SMG5: variants seen among roughly 807,000 people sequenced by gnomAD.
The protein encoded by SMG5 is SMG5 nonsense mediated mRNA decay factor, also known as nonsense-mediated mRNA decay factor SMG5.
Under a neutral mutation model 122.9 loss-of-function variants are expected in SMG5, and 53 were observed. That is an observed-to-expected ratio of 0.43 (90% confidence interval 0.35 to 0.54). SMG5 has a LOEUF of 0.54. Ranked by LOEUF, SMG5 falls within the 20% of genes least tolerant of loss-of-function variation. SMG5 has a pLI of 0.01. For missense variants in SMG5, 1,153 were observed against 1,285.6 expected (o/e 0.90, Z 1.58); for synonymous variants, 477 against 490.2 (o/e 0.97, Z 0.35).
intron 1 of SMG5, 105 bp downstream of exon 1, chr1:156,282,502 C>T: frequency 7.8e-7 from 1 of 1,287,068 alleles, no homozygotes; most frequent in Non-Finnish European, 1.1e-6. Context: ...CCTTCCTCAC[C>T]CGCACCTCAC....
chr1:156,285,527 C>A (rs772493348), upstream of SMG5: 5 of 1,614,084 alleles, frequency 3.1e-6, no homozygotes, highest in African/African-American at 2.7e-5. Context: ...TGAACCAGAG[C>A]CCCCTGAGTC....
chr1:156,251,181 C>G, intron 20 of SMG5, 185 bp from the exon 21 acceptor site: 3 of 940,944 alleles, frequency 3.2e-6, no homozygotes, highest in South Asian at 3.1e-5. Context: ...AAACACCAAG[C>G]CTGAGCATCG....
In SMG5 at chr1:156,282,624, G is replaced by A; in HGVS notation, c.57C>T (p.His19=). The A allele has an allele frequency of 6.2e-7, 1 of 1,609,086 alleles. No individual in the cohort carries two copies. The highest frequency in any genetic ancestry group is 8.5e-7 in the Non-Finnish European group (1 of 1,179,714). The change falls in exon 1 of 22, where the codon CAC becomes CAT. Residue 19 remains histidine, a synonymous_variant. Coordinates refer to ENST00000361813, the MANE Select transcript of SMG5 (RefSeq NM_015327.3). ...CCTCTCACCGGTAAAGCCGCTTAGTGTGGAGGACTTTTGCTTCGGGCTCGC... is the reference window on the plus strand; with the variant it reads ...CCTCTCACCGGTAAAGCCGCTTAGTATGGAGGACTTTTGCTTCGGGCTCGC... ...ESSEPEAKVL[H]TKRLYRAVVE... is the part of the protein sequence containing the mutation.
chr1:156,278,063 G>A lies in SMG5; in HGVS notation c.174-15C>T, dbSNP rs759979058. 11 of 1,613,366 alleles carry A rather than the reference G, an allele frequency of 6.8e-6. No homozygotes were observed. Among genetic ancestry groups the A allele is most frequent in the Non-Finnish European group, 8.5e-6 (10 of 1,179,650 alleles). On this transcript the variant is annotated splice_polypyrimidine_tract_variant and intron_variant, in intron 2 of 21. Transcript: ENST00000361813. ...GCTCACGCAGCCTGGAGGGTGTAGA[G>A]GAGCATGAGAGAGACAGCCCATCCC...
intron 11 of SMG5, 79 bp from the exon 12 acceptor site, chr1:156,266,459 TCCC>T: frequency 2.5e-6 from 4 of 1,604,982 alleles, no homozygotes; most frequent in Non-Finnish European, 3.4e-6. Context: ...CAACACCACT[TCCC>T]CCGAGTCTGT....
At position 156,279,142 on chromosome 1, in the gene SMG5, A is replaced by G; in HGVS notation, c.75-108T>C. The G allele has an allele frequency of 3.2e-6, 3 of 929,964 alleles. No individual in the cohort carries two copies. In the South Asian group the frequency reaches 4.1e-5, roughly 13 times the overall value. 57.6% of individuals were successfully genotyped at this position (929,964 alleles called of 1,614,324 possible). A position where few individuals can be genotyped will look rare whatever the true frequency, so the allele number is the denominator to read the frequency against. On this transcript the variant is annotated intron_variant, in intron 1 of 21. Coordinates refer to ENST00000361813, the MANE Select transcript of SMG5 (RefSeq NM_015327.3). The stretch of plus-strand genomic sequence containing the variant: ...AAGCTACAGAATTAGCGGTGAGGGA[A>G]AAAGGAGAAGGCTGCAGGCTGAGCT...
In SMG5 at chr1:156,263,568, AGGCTGG is replaced by A; in HGVS notation, c.1856-4_1857del. ...CCCTCCGACTCAGAGCCCTCCTCAG[AGGCTGG>A]GGGGTGGGTGAATGGAAGAGAAAAA... On this transcript the variant is annotated splice_acceptor_variant and splice_polypyrimidine_tract_variant and coding_sequence_variant and intron_variant, in exon 13 of 22. Coordinates refer to ENST00000361813, the MANE Select transcript of SMG5 (RefSeq NM_015327.3). LOFTEE classifies it high-confidence loss of function. The A allele has an allele frequency of 1.9e-6, 3 of 1,612,966 alleles. No homozygotes were observed. The highest frequency in any genetic ancestry group is 2.5e-6 in the Non-Finnish European group (3 of 1,179,212).
At chr1:156,289,071 C>G in the SMG5 span, among the ~76,000 whole-genome samples, 1 of 152,322 alleles carries the variant, frequency 6.6e-6, no homozygotes, top group East Asian at 1.9e-4. Flanking sequence ...GTCCTTTCTT[C>G]TTTACCATGG....
Position 156,277,926 on chromosome 1 carries a change from T to C in SMG5, c.296A>G (p.Lys99Arg). The C allele has an allele frequency of 1.2e-6, 2 of 1,613,630 alleles. No individual in the cohort carries two copies. The highest frequency in any genetic ancestry group is 1.1e-5 in the South Asian group (1 of 91,068). The change falls in exon 3 of 22, where the codon AAG (lysine) becomes AGG (arginine). Residue 99 changes from lysine (K) to arginine (R), a missense_variant and splice_region_variant. By Grantham distance (26) the Lys-to-Arg change is conservative. Around this residue, in one of 5 missense-constraint regions of SMG5, gnomAD observed 213 missense variants for 197.5 expected, o/e 1.08. Coordinates refer to ENST00000361813, the MANE Select transcript of SMG5 (RefSeq NM_015327.3). ...CTTTAGACAAGGACTTCCCCTTACC[T>C]TTTTGTTAGTCTTGATAAGCTGGAT... ...EVIQLIKTNK[K>R]HIHSRSTLEC... is the part of the protein sequence containing the mutation.
At chr1:156,253,826 A>G (rs1020768412) in intron 16 of SMG5, 3 of 389,894 alleles carry the variant, frequency 7.7e-6, no homozygotes, top group Non-Finnish European at 1.5e-5. Context: ...GCTCTTCTCA[A>G]TCTGGTCTCC....
chr1:156,272,146 T>A (rs1219616204), intron 7 of SMG5, among the ~76,000 whole-genome samples, 174 bp downstream of exon 7: 4 of 152,192 alleles, frequency 2.6e-5, no homozygotes, highest in African/African-American at 9.7e-5. Context: ...ATCCAGCGGT[T>A]ATGTGAAAAG....
Position 156,272,373 on chromosome 1 carries a change from G to C in SMG5, c.660C>G (p.Thr220=). 1 of 1,602,688 alleles carries C rather than the reference G, an allele frequency of 6.2e-7. No homozygotes were observed. The highest frequency in any genetic ancestry group is 8.5e-7 in the Non-Finnish European group (1 of 1,173,414). Residue 220 remains threonine, a synonymous_variant, in exon 7 of 22, where the codon ACC becomes ACG. Coordinates refer to ENST00000361813, the MANE Select transcript of SMG5 (RefSeq NM_015327.3). The part of the protein sequence containing the change: ...QIGMPFNQLG[T]LAGSKYYNVE... ...CATTATAGTACTTGCTGCCTGCCAG[G>C]GTGCCCAGCTGATTGAAGGGCATTC...
upstream of SMG5, among the ~76,000 whole-genome samples, chr1:156,287,091 C>G (rs1188506113): frequency 1.3e-5 from 2 of 151,838 alleles, no homozygotes; most frequent in African/African-American, 4.8e-5. Context: ...TCACTGTACT[C>G]TAGCCTGGAC....
chr1:156,284,149 T>C (rs926170517), upstream of SMG5: 3 of 152,218 alleles, frequency 2.0e-5, no homozygotes, highest in African/African-American at 7.2e-5. Flanking sequence ...AATGTGAACT[T>C]ACCCCTTTGC....
At chr1:156,287,903 C>A in the SMG5 span, among the ~76,000 whole-genome samples, 1 of 151,998 alleles carries the variant, frequency 6.6e-6, no homozygotes, top group South Asian at 2.1e-4. Context: ...CAGGCGTGAG[C>A]CACTGCGCCT....
At chr1:156,251,196 GC>G in intron 20 of SMG5, 200 bp from the exon 21 acceptor site, 1 of 891,668 alleles carries the variant, frequency 1.1e-6, no homozygotes, top group Non-Finnish European at 1.7e-6. Flanking sequence ...GCATCGCAAG[GC>G]CCAAAGAGGC....
chr1:156,283,099 C>T, upstream of SMG5: 1 of 372,244 alleles, frequency 2.7e-6, no homozygotes, highest in Non-Finnish European at 4.8e-6. Flanking sequence ...ACTGCTTTGT[C>T]CTACAATGGT....
At chr1:156,271,526 C>G (rs1662421282) in intron 7 of SMG5, among the ~76,000 whole-genome samples, 3 of 147,026 alleles carry the variant, frequency 2.0e-5, no homozygotes, top group African/African-American at 7.5e-5. Flanking sequence ...TATGGCGACT[C>G]AATACCCTAA....
chr1:156,256,684 T>C lies in SMG5; in HGVS notation c.2442+2321A>G, dbSNP rs1572574981. 6.6e-5 allele frequency among the ~76,000 whole-genome samples: 10 copies of C among 152,102 alleles called. No individual in the cohort carries two copies. In the South Asian group the frequency reaches 1.5e-3, roughly 22 times the overall value. ...TTACCAACCCAGCATTTCAAACAGA[T>C]GTAGGCCTACGCGTTCCTCAGAGGG... On this transcript the variant is annotated intron_variant, in intron 16 of 21. Coordinates refer to ENST00000361813, the MANE Select transcript of SMG5 (RefSeq NM_015327.3).
Sources: allele counts gnomAD v4.1 joint callset (sites outside exome capture counted in the v4.1 genomes callset), GRCh38; gene constraint gnomAD v4.1.1; regional missense constraint gnomAD v4.1.1; transcripts MANE v1.5; gene names NCBI Gene and HGNC (gene_info 2026-07-23, HGNC 2026-07-21).